The following SLC35F3 variants were observed in gnomAD, a reference collection of about 807,000 sequenced individuals.
The protein encoded by SLC35F3 is solute carrier family 35 member F3, also known as putative thiamine transporter SLC35F3.
Under a neutral mutation model 49.9 loss-of-function variants are expected in SLC35F3, and 25 were observed. The observed-to-expected ratio is 0.50, with a 90% confidence interval of 0.37 to 0.70. SLC35F3 has a LOEUF of 0.70. Ranked by LOEUF, SLC35F3 falls within the 30% of genes least tolerant of loss-of-function variation. The probability of loss-of-function intolerance (pLI) is 0.00; values close to 1 mark genes in which losing one functional copy is unlikely to be tolerated. For synonymous variants in SLC35F3, 275 were observed against 265.4 expected, an observed-to-expected ratio of 1.04 and a Z score of -0.35; for missense variants, 525 against 639.8, an observed-to-expected ratio of 0.82 and a Z score of 1.94.
intron 2 of SLC35F3, among the ~76,000 whole-genome samples, chr1:234,219,047 C>A (rs1422720636): frequency 2.7e-5 from 3 of 110,076 alleles, no homozygotes; most frequent in Non-Finnish European, 5.0e-5. Flanking sequence ...CATAGAGAGA[C>A]TCCATCTCAA....
At chr1:234,114,615 G>A (rs1488863372) in intron 2 of SLC35F3, among the ~76,000 whole-genome samples, 1 of 152,180 alleles carries the variant, frequency 6.6e-6, no homozygotes, top group Non-Finnish European at 1.5e-5. Flanking sequence ...TGTTTGCTGA[G>A]AATTGAGATT....
At chr1:234,001,249 A>G (rs912162029) in intron 2 of SLC35F3, among the ~76,000 whole-genome samples, 5 of 152,192 alleles carry the variant, frequency 3.3e-5, no homozygotes, top group Non-Finnish European at 7.3e-5. Context: ...TTAAATTAAC[A>G]TGTGGACTTC....
intron 3 of SLC35F3, among the ~76,000 whole-genome samples, chr1:234,232,632 T>C (rs1376525784): frequency 1.3e-5 from 2 of 151,746 alleles, no homozygotes; most frequent in African/African-American, 4.8e-5. Context: ...GAGGAGAAAT[T>C]GAGCATTTAA....
At chr1:234,023,304 TG>T (rs1379842320) in intron 2 of SLC35F3, among the ~76,000 whole-genome samples, 1 of 152,200 alleles carries the variant, frequency 6.6e-6, no homozygotes, top group Non-Finnish European at 1.5e-5. Context: ...AGTATCTTGC[TG>T]CACCAGAAAG....
At chr1:234,192,476 A>C (rs555155746) in intron 2 of SLC35F3, among the ~76,000 whole-genome samples, 1 of 152,222 alleles carries the variant, frequency 6.6e-6, no homozygotes, top group African/African-American at 2.4e-5. Flanking sequence ...GTCTATGACA[A>C]ATCCACAGCC....
intron 2 of SLC35F3, among the ~76,000 whole-genome samples, chr1:234,099,626 A>C (rs1449030604): frequency 6.7e-6 from 1 of 150,332 alleles, no homozygotes; most frequent in Non-Finnish European, 1.5e-5. Context: ...AAAAAAAAAA[A>C]ACAAAAAAAA....
At chr1:234,278,348 G>A (rs1668247438) in intron 3 of SLC35F3, among the ~76,000 whole-genome samples, 3 of 152,068 alleles carry the variant, frequency 2.0e-5, no homozygotes, top group Admixed American at 2.0e-4. Flanking sequence ...AAATTAGACT[G>A]GTGCAATGGC....
intron 2 of SLC35F3, among the ~76,000 whole-genome samples, chr1:234,088,965 T>C (rs996006854): frequency 6.6e-6 from 1 of 152,152 alleles, no homozygotes; most frequent in African/African-American, 2.4e-5. Context: ...TTTTGCCATG[T>C]TGCCCAGGCT....
At chr1:234,314,193 C>T (rs983932078) in intron 4 of SLC35F3, among the ~76,000 whole-genome samples, 1 of 152,206 alleles carries the variant, frequency 6.6e-6, no homozygotes, top group African/African-American at 2.4e-5. Context: ...GATGGGGTGG[C>T]ACAGGCTCCT....
intron 2 of SLC35F3, among the ~76,000 whole-genome samples, chr1:234,196,797 C>A (rs1241489026): frequency 6.6e-6 from 1 of 152,194 alleles, no homozygotes; most frequent in Non-Finnish European, 1.5e-5. Flanking sequence ...CAAAAATTAG[C>A]CAGGCGTGGT....
At chr1:233,993,257 G>A (rs957128909) in intron 2 of SLC35F3, among the ~76,000 whole-genome samples, 4 of 152,242 alleles carry the variant, frequency 2.6e-5, no homozygotes, top group Admixed American at 6.5e-5. Context: ...GTGAGCCACC[G>A]TGACTGGACC....
At chr1:234,125,645 GTC>G (rs1174662170) in intron 2 of SLC35F3, among the ~76,000 whole-genome samples, 1 of 152,068 alleles carries the variant, frequency 6.6e-6, no homozygotes, top group Non-Finnish European at 1.5e-5. Flanking sequence ...CCCTAACCCA[GTC>G]TCTGTTTCTC....
chr1:234,225,354 A>AC (rs34538269), intron 2 of SLC35F3, among the ~76,000 whole-genome samples: 111,728 of 152,126 alleles, frequency 0.73, 42,648 homozygotes, highest in East Asian at 0.99. Flanking sequence ...ATTTTGCAAA[A>AC]CTTTTTGGTT....
intron 2 of SLC35F3, among the ~76,000 whole-genome samples, chr1:234,044,322 C>T (rs1664261372): frequency 6.6e-6 from 1 of 152,198 alleles, no homozygotes; most frequent in South Asian, 2.1e-4. Context: ...ATTACCCAGC[C>T]TCAGGGATTC....
At chr1:234,199,750 G>A (rs1399838916) in intron 2 of SLC35F3, among the ~76,000 whole-genome samples, 3 of 146,786 alleles carry the variant, frequency 2.0e-5, no homozygotes, top group African/African-American at 7.2e-5. Flanking sequence ...CATCTGATAA[G>A]GGGCTAATAT....
intron 2 of SLC35F3, among the ~76,000 whole-genome samples, chr1:234,036,571 C>T (rs539875820): frequency 2.0e-5 from 3 of 152,332 alleles, no homozygotes; most frequent in African/African-American, 7.2e-5. Flanking sequence ...TTATCTGTGG[C>T]ATCCCCATCT....
At chr1:234,226,946 C>T (rs77438275) in intron 2 of SLC35F3, among the ~76,000 whole-genome samples, 1,548 of 139,788 alleles carry the variant, frequency 0.011, 19 homozygotes, top group African/African-American at 0.039. Flanking sequence ...CCTGCACTGG[C>T]GTGCGCGCAC....
chr1:234,041,182 A>G lies in SLC35F3; in HGVS notation c.283+135424A>G, dbSNP rs78387101. 8.4e-3 allele frequency among the ~76,000 whole-genome samples: 1,282 copies of G among 152,226 alleles called. 15 individuals carry two copies. Among genetic ancestry groups the G allele is most frequent in the African/African-American group, 0.03 (1,245 of 41,512 alleles). Reference sequence around the variant, plus strand: ...GAAACACAGGACAATTAACACTACTACTGTAATAAATACCCTCAAATTCTC... The same window carrying G: ...GAAACACAGGACAATTAACACTACTGCTGTAATAAATACCCTCAAATTCTC... On this transcript the variant is annotated intron_variant, in intron 2 of 7. Coordinates refer to ENST00000366618, the MANE Select transcript of SLC35F3 (RefSeq NM_173508.4).
intron 2 of SLC35F3, among the ~76,000 whole-genome samples, chr1:234,117,930 G>GTATATATATATATATATATATA (rs1572058536): frequency 3.6e-5 from 1 of 27,486 alleles, no homozygotes; most frequent in Admixed American, 3.9e-4. Context: ...GTGTGTGTGT[G>GTATATATATATATATATATATA]TGTGTGTGTG....
Sources: allele counts gnomAD v4.1 joint callset (sites outside exome capture counted in the v4.1 genomes callset), GRCh38; gene constraint gnomAD v4.1.1; transcripts MANE v1.5; gene names NCBI Gene and HGNC (gene_info 2026-07-23, HGNC 2026-07-21).